Variants in LAMA5 observed in about 807,000 individuals in gnomAD.
LAMA5 encodes laminin subunit alpha-5.
Under a neutral mutation model 433.4 loss-of-function variants are expected in LAMA5, and 260 were observed. That is an observed-to-expected ratio of 0.60 (90% confidence interval 0.54 to 0.66). LAMA5 has a LOEUF of 0.66. Among genes scored for constraint, LAMA5 ranks in the 30% least tolerant of loss-of-function variants. LAMA5 has a pLI of 0.00. For missense variants in LAMA5, 5,378 were observed against 5,258.5 expected, an observed-to-expected ratio of 1.02 and a Z score of -0.70; for synonymous variants, 2,620 against 2,226.6, an observed-to-expected ratio of 1.18 and a Z score of -4.97.
In LAMA5 at chr20:62,334,338, C is replaced by T. The variant is rs1401931687; in HGVS notation, c.2587G>A (p.Ala863Thr). 2 of 1,598,364 alleles carry T rather than the reference C, an allele frequency of 1.3e-6. No individual in the cohort carries two copies. The highest frequency in any genetic ancestry group is 8.5e-7 in the Non-Finnish European group (1 of 1,173,336). Residue 863 changes from alanine to threonine, a missense_variant, in exon 22 of 80, where the codon GCG (alanine) becomes ACG (threonine). Coordinates refer to ENST00000252999, the MANE Select transcript of LAMA5 (RefSeq NM_005560.6). ...NTQGPTCSEP[A>T]RDHYLPDLHH... ...AGGTCCGGGAGGTAGTGGTCCCTCG[C>T]AGGCCTGGCCACAGCAGGGGCTGGT...
At position 62,346,832 on chromosome 20, in the gene LAMA5, C is replaced by A. The variant is rs760249181; in HGVS notation, c.1073-32G>T. 3.7e-6 allele frequency: 6 copies of A among 1,608,116 alleles called. No individual in the cohort carries two copies. In the African/African-American group the frequency reaches 6.7e-5, roughly 18 times the overall value. On this transcript the variant is annotated intron_variant, in intron 7 of 79. Transcript: ENST00000252999. ...AGAGGGGAGCGCAGCTGTTGGCACG[C>A]CCTCCACAGGCCCGGGCACCGGGGC...
rs766903424 is a variant in LAMA5, at chr20:62,332,485, G to T, written c.3444-5C>A. 28 of 1,611,136 alleles carry T rather than the reference G, an allele frequency of 1.7e-5. No individual in the cohort carries two copies. The highest frequency in any genetic ancestry group is 7.7e-5 in the South Asian group (7 of 90,958). On this transcript the variant is annotated splice_region_variant and splice_polypyrimidine_tract_variant and intron_variant, in intron 27 of 79. Coordinates refer to ENST00000252999, the MANE Select transcript of LAMA5 (RefSeq NM_005560.6). The stretch of plus-strand genomic sequence containing the variant: ...GCAGTGCCCCGGCACAGGGTGCTGT[G>T]GGGGGAGGGTGGTCAGCAGGTGGGG...
At chr20:62,309,943 A>C in intron 78 of LAMA5, 45 bp downstream of exon 78, 1 of 1,606,066 alleles carries the variant, frequency 6.2e-7, no homozygotes. Context: ...CGCTCTGCAG[A>C]AGGGTGGGGG....
chr20:62,309,072 G>C lies in LAMA5; in HGVS notation c.*264C>G, dbSNP rs1237695193. The C allele has an allele frequency of 1.2e-5, 7 of 608,464 alleles. No individual in the cohort carries two copies. Among genetic ancestry groups the C allele is most frequent in the East Asian group, 5.9e-5 (2 of 33,812 alleles). The allele number at this position is 608,464 out of a possible 1,614,324, so 37.7% of individuals were successfully genotyped here. A position where few individuals can be genotyped will look rare whatever the true frequency, so the allele number is the denominator to read the frequency against. Reference sequence around the variant, plus strand: ...AAGTCAACATTCATTCGGTTACACAGAAGTTACTTTTTAATTTTTAAGGAG... The same window carrying C: ...AAGTCAACATTCATTCGGTTACACACAAGTTACTTTTTAATTTTTAAGGAG... On this transcript the variant is annotated 3_prime_UTR_variant, in exon 80 of 80. Coordinates refer to ENST00000252999, the MANE Select transcript of LAMA5 (RefSeq NM_005560.6).
intron 11 of LAMA5, chr20:62,342,057 C>CT (rs1472125083): frequency 3.1e-5 from 5 of 159,072 alleles, no homozygotes; most frequent in African/African-American, 9.8e-5. Flanking sequence ...AATACCAGCA[C>CT]TTTGGGAGGC....
rs1233296423 is a variant in LAMA5, at chr20:62,330,826, C to A, written c.3769G>T (p.Ala1257Ser). Residue 1257 changes from alanine (A) to serine (S), a missense_variant, in exon 30 of 80, where the codon GCC (alanine) becomes TCC (serine). Transcript: ENST00000252999. ...GGTCGGGGTCCAGCTGGGGACATGGCTGGAGTGAGATCCTGCGCGTGGGTC... is the reference window on the plus strand; with the variant it reads ...GGTCGGGGTCCAGCTGGGGACATGGATGGAGTGAGATCCTGCGCGTGGGTC... ...PLTHAQDLTPAMSPAGPRPRP... is the reference protein window; with the variant it reads ...PLTHAQDLTPSMSPAGPRPRP... The A allele has an allele frequency of 6.5e-7, 1 of 1,545,904 alleles. No homozygotes were observed.
chr20:62,325,480 T>C lies in LAMA5; in HGVS notation c.5365A>G (p.Ser1789Gly). 6.2e-7 allele frequency: 1 copy of C among 1,612,946 alleles called. No individual in the cohort carries two copies. The highest frequency in any genetic ancestry group is 8.5e-7 in the Non-Finnish European group (1 of 1,179,932). Reference sequence around the variant, plus strand: ...GCACGGATCTGCAGCTGCTCCAGGCTGGCCAGCACCATCATGAGCTCCTCG... The same window carrying C: ...GCACGGATCTGCAGCTGCTCCAGGCCGGCCAGCACCATCATGAGCTCCTCG... ...SREELMMVLA[S>G]LEQLQIRALF... is the part of the protein sequence containing the mutation. Residue 1789 changes from serine (S) to glycine (G), a missense_variant, in exon 41 of 80, where the codon AGC becomes GGC. Ser to Gly is a moderately conservative substitution (Grantham distance 56, BLOSUM62 0). Coordinates refer to ENST00000252999, the MANE Select transcript of LAMA5 (RefSeq NM_005560.6).
At position 62,352,353 on chromosome 20, in the gene LAMA5, C is replaced by T. The variant is rs1485439561; in HGVS notation, c.576G>A (p.Lys192=). ...YQPWQFFASS[K]RDCLERFGPQ... is the part of the protein sequence containing the mutation. ...GCCCGAACCGCTCCAGACAGTCCCT[C>T]TTGGAGGCTGCGGGGAATGGCGGGA... The change falls in exon 4 of 80, where the codon AAG becomes AAA. Residue 192 remains lysine, a synonymous_variant. Coordinates refer to ENST00000252999, the MANE Select transcript of LAMA5 (RefSeq NM_005560.6). 4.4e-6 allele frequency: 7 copies of T among 1,598,470 alleles called. No homozygotes were observed. Among genetic ancestry groups the T allele is most frequent in the Non-Finnish European group, 5.9e-6 (7 of 1,179,360 alleles).
chr20:62,330,839 C>T lies in LAMA5; in HGVS notation c.3756G>A (p.Gln1252=), dbSNP rs1356746834. The T allele has an allele frequency of 6.5e-7, 1 of 1,543,426 alleles. No homozygotes were observed. Among genetic ancestry groups the T allele is most frequent in the Admixed American group, 2.0e-5 (1 of 50,662 alleles). ...CTGGGGACATGGCTGGAGTGAGATC[C>T]TGCGCGTGGGTCAGCGGGAGGCCGG... The part of the protein sequence containing the change: ...LPPGLPLTHA[Q]DLTPAMSPAG... The change falls in exon 30 of 80, where the codon CAG becomes CAA. Residue 1252 remains glutamine, a synonymous_variant. Transcript: ENST00000252999.
intron 6 of LAMA5, among the ~76,000 whole-genome samples, chr20:62,348,666 CTA>C (rs1983736976): frequency 6.6e-6 from 1 of 151,678 alleles, no homozygotes; most frequent in African/African-American, 2.4e-5. Context: ...AAAAATAACA[CTA>C]TGGAAAACAG....
At chr20:62,342,484 T>G (rs912924563) in intron 11 of LAMA5, among the ~76,000 whole-genome samples, 3 of 151,962 alleles carry the variant, frequency 2.0e-5, no homozygotes, top group Non-Finnish European at 4.4e-5. Flanking sequence ...GAGACCATCC[T>G]GCTTTAACAC....
At position 62,351,898 on chromosome 20, in the gene LAMA5, G is replaced by A. The variant is rs1285113638; in HGVS notation, c.858+11C>T. 1.9e-6 allele frequency: 3 copies of A among 1,592,768 alleles called. No homozygotes were observed. Among genetic ancestry groups the A allele is most frequent in the Non-Finnish European group, 2.6e-6 (3 of 1,171,046 alleles). On this transcript the variant is annotated intron_variant, in intron 5 of 79. Transcript: ENST00000252999. ...AGTCCCCCTCCCCCGCCTGCGCCAT[G>A]GGCAGCTCACCCGGCGGGTGACCGT...
intron 16 of LAMA5, 96 bp downstream of exon 16, chr20:62,337,494 A>T: frequency 6.7e-7 from 1 of 1,483,200 alleles, no homozygotes; most frequent in Non-Finnish European, 9.2e-7. Flanking sequence ...AGCAAGATGC[A>T]CGTGAACAGC....
intron 47 of LAMA5, 30 bp downstream of exon 47, chr20:62,322,239 T>C (rs770890303): frequency 1.9e-6 from 3 of 1,565,430 alleles, no homozygotes; most frequent in Non-Finnish European, 2.6e-6. Context: ...GAAGTCCCCA[T>C]CCGCCCTCCT....
chr20:62,331,142 G>A lies in LAMA5; in HGVS notation c.3553-13C>T, dbSNP rs899128560. 1.3e-6 allele frequency: 2 copies of A among 1,548,244 alleles called. No individual in the cohort carries two copies. The highest frequency in any genetic ancestry group is 1.7e-6 in the Non-Finnish European group (2 of 1,145,342). On this transcript the variant is annotated splice_polypyrimidine_tract_variant and intron_variant, in intron 28 of 79. Transcript: ENST00000252999. ...GAGTGACCCCGTGCTGCAGGCAGAGGGACGAGATGCTGCAACGCCCGTGGT... is the reference window on the plus strand; with the variant it reads ...GAGTGACCCCGTGCTGCAGGCAGAGAGACGAGATGCTGCAACGCCCGTGGT...
Position 62,311,350 on chromosome 20 carries a change from G to C in LAMA5, c.9943-43C>G, listed in dbSNP as rs775942871. ...GAATGCAGGGGCCGCCCACACAGGG[G>C]CCACCCTTCCAGCCACCCCAGCTCT... On this transcript the variant is annotated intron_variant, in intron 72 of 79. Transcript: ENST00000252999. The C allele has an allele frequency of 1.2e-5, 19 of 1,522,318 alleles. No homozygotes were observed. In the East Asian group the frequency reaches 4.5e-4, roughly 36 times the overall value. 94.3% of individuals were successfully genotyped at this position (1,522,318 alleles called of 1,614,324 possible).
Position 62,366,969 on chromosome 20 carries a change from C to T in LAMA5, c.277G>A (p.Asp93Asn). Reference sequence around the variant, plus strand: ...CTCACCCGGATGGTCTGGTTGGGGTCGCCGCCGGCCACGGGGCCCCCTACC... The same window carrying T: ...CTCACCCGGATGGTCTGGTTGGGGTTGCCGCCGGCCACGGGGCCCCCTACC... ...KLVGGPVAGG[D>N]PNQTIRGQYC... Residue 93 changes from aspartate (D) to asparagine (N), a missense_variant, in exon 1 of 80, where the codon GAC (aspartate) becomes AAC (asparagine). Coordinates refer to ENST00000252999, the MANE Select transcript of LAMA5 (RefSeq NM_005560.6). 7.8e-7 allele frequency: 1 copy of T among 1,274,476 alleles called. No homozygotes were observed. Among genetic ancestry groups the T allele is most frequent in the Non-Finnish European group, 9.9e-7 (1 of 1,011,582 alleles). The allele number at this position is 1,274,476 out of a possible 1,614,324, so 78.9% of individuals were successfully genotyped here.
At position 62,321,287 on chromosome 20, in the gene LAMA5, G is replaced by A. The variant is rs13045267; in HGVS notation, c.6497-397C>T. Among the ~76,000 whole-genome samples, 296 of 78,078 alleles carry A rather than the reference G, an allele frequency of 3.8e-3. 15 individuals are homozygous for A. Among genetic ancestry groups the A allele is most frequent in the Middle Eastern group, 0.019 (2 of 104 alleles). The allele number at this position is 78,078 out of a possible 152,430, so 51.2% of individuals were successfully genotyped here. On this transcript the variant is annotated intron_variant, in intron 48 of 79. Transcript: ENST00000252999. Reference sequence around the variant, plus strand: ...GCAGGGTCAGTGAAGGGGTGGGGCCGGTGGAGGAAGAGGGGGCCAGTGAAG... The same window carrying A: ...GCAGGGTCAGTGAAGGGGTGGGGCCAGTGGAGGAAGAGGGGGCCAGTGAAG...
In LAMA5 at chr20:62,312,795, G is replaced by A; in HGVS notation, c.9079-15C>T. ...AACACCTGGATCTACAGGACCAGTG[G>A]GGGCTCCAGGGCCAGCTGTGTCCCT... On this transcript the variant is annotated splice_polypyrimidine_tract_variant and intron_variant, in intron 66 of 79. Coordinates refer to ENST00000252999, the MANE Select transcript of LAMA5 (RefSeq NM_005560.6). 1 of 1,595,012 alleles carries A rather than the reference G, an allele frequency of 6.3e-7. No homozygotes were observed. The highest frequency in any genetic ancestry group is 8.5e-7 in the Non-Finnish European group (1 of 1,174,588).
Sources: gnomAD v4.1 joint callset for allele counts (sites outside exome capture counted in the v4.1 genomes callset) on GRCh38, gnomAD v4.1.1 for gene constraint, MANE v1.5 for transcripts, NCBI Gene and HGNC (gene_info 2026-07-23, HGNC 2026-07-21) for gene names.